Variants in ATG5 observed in about 807,000 individuals in gnomAD.
ATG5 encodes the protein autophagy related 5.
A neutral mutation model predicts 36.5 loss-of-function variants in ATG5; 14 were observed. The observed-to-expected ratio is 0.38, with a 90% CI of 0.25 to 0.60. ATG5 has a LOEUF of 0.60. ATG5 is among the 20% of genes least tolerant of loss of function. The pLI, the probability that ATG5 is intolerant of heterozygous loss-of-function variation, is 0.60. For synonymous variants in ATG5, 95 were observed against 101.5 expected, an observed-to-expected ratio of 0.94 and a Z score of 0.38; for missense variants, 195 against 326.7, an observed-to-expected ratio of 0.60 and a Z score of 3.11.
chr6:106,279,668 C>T lies in ATG5; in HGVS notation c.471G>A (p.Leu157=), dbSNP rs1779799439. ...KKDHKQLWMG[L]QNDRFDQFWA... Reference sequence around the variant, plus strand: ...AAACACTATTATACTTACCATTTTGCAATCCCATCCAGAGTTGCTTGTGAT... The same window carrying T: ...AAACACTATTATACTTACCATTTTGTAATCCCATCCAGAGTTGCTTGTGAT... Residue 157 remains leucine, a synonymous_variant, in exon 5 of 8, where the codon TTG becomes TTA. Transcript: ENST00000369076. The T allele has an allele frequency of 1.3e-6, 2 of 1,588,742 alleles. No homozygotes were observed. The highest frequency in any genetic ancestry group is 1.2e-5 in the South Asian group (1 of 85,604).
At chr6:106,270,891 A>G (rs1354732181) in intron 5 of ATG5, among the ~76,000 whole-genome samples, 3 of 151,816 alleles carry the variant, frequency 2.0e-5, no homozygotes, top group African/African-American at 7.3e-5. Context: ...ATCCAGCCTA[A>G]CAACAGGCTC....
intron 5 of ATG5, among the ~76,000 whole-genome samples, chr6:106,270,812 A>T (rs912768362): frequency 1.3e-5 from 2 of 151,840 alleles, no homozygotes. Flanking sequence ...ATAAAGCACC[A>T]CTCTCCATGC....
chr6:106,225,325 C>T (rs1216712953), intron 6 of ATG5, among the ~76,000 whole-genome samples: 3 of 151,872 alleles, frequency 2.0e-5, no homozygotes, highest in South Asian at 4.2e-4. Context: ...TCAAGGTTAT[C>T]GGAAAACCTA....
At chr6:106,203,097 G>A (rs1776500086) in intron 6 of ATG5, among the ~76,000 whole-genome samples, 2 of 152,134 alleles carry the variant, frequency 1.3e-5, no homozygotes, top group East Asian at 1.9e-4. Context: ...GGTAGAGGGT[G>A]TATGATTTTA....
intron 7 of ATG5, among the ~76,000 whole-genome samples, chr6:106,187,703 CTT>C (rs893700052): frequency 2.6e-5 from 4 of 152,112 alleles, no homozygotes; most frequent in African/African-American, 9.7e-5. Flanking sequence ...TTCAAAATGA[CTT>C]TTGAATCTGT....
intron 6 of ATG5, among the ~76,000 whole-genome samples, chr6:106,218,630 TC>T (rs1233249103): frequency 6.7e-6 from 1 of 148,908 alleles, no homozygotes; most frequent in Non-Finnish European, 1.5e-5. Context: ...TGAAAGCCAC[TC>T]TACCCTGTTT....
At chr6:106,289,655 G>A (rs1306850332) in intron 4 of ATG5, among the ~76,000 whole-genome samples, 2 of 140,638 alleles carry the variant, frequency 1.4e-5, no homozygotes, top group African/African-American at 2.6e-5. Flanking sequence ...CTAGAAATTA[G>A]AGCTGAAACA....
chr6:106,214,147 A>G (rs765218463), intron 6 of ATG5, among the ~76,000 whole-genome samples: 5 of 152,234 alleles, frequency 3.3e-5, no homozygotes, highest in Non-Finnish European at 5.9e-5. Flanking sequence ...ATATTCATGC[A>G]TATCAAATTT....
intron 6 of ATG5, among the ~76,000 whole-genome samples, chr6:106,236,489 A>T (rs1366441945): frequency 6.6e-6 from 1 of 152,156 alleles, no homozygotes; most frequent in African/African-American, 2.4e-5. Flanking sequence ...CCTTTTTACT[A>T]CTTTGTTAAT....
intron 4 of ATG5, among the ~76,000 whole-genome samples, chr6:106,288,107 A>C (rs926852037): frequency 2.0e-5 from 3 of 151,684 alleles, no homozygotes; most frequent in Admixed American, 6.6e-5. Flanking sequence ...AGAAGCTGAG[A>C]TTACAGGCAC....
chr6:106,282,082 G>A lies in ATG5; in HGVS notation c.316-2259C>T, dbSNP rs573245870. ...AAATACTGTTCACAAGAATTGCTAG[G>A]TGAACAGAAAATTTCACCTAGCTAA... On this transcript the variant is annotated intron_variant, in intron 4 of 7. Coordinates refer to ENST00000369076, the MANE Select transcript of ATG5 (RefSeq NM_004849.4). Among the ~76,000 whole-genome samples the A allele has an allele frequency of 9.9e-5, 15 of 152,260 alleles. No individual in the cohort carries two copies. The South Asian group carries it at 3.1e-3, about 32-fold the overall frequency.
Position 106,286,144 on chromosome 6 carries a change from T to C in ATG5, c.316-6321A>G, listed in dbSNP as rs118021103. 8.6e-3 allele frequency among the ~76,000 whole-genome samples: 1,311 copies of C among 152,246 alleles called. 29 individuals carry two copies. The highest frequency in any genetic ancestry group is 0.044 in the Admixed American group (667 of 15,292). On this transcript the variant is annotated intron_variant, in intron 4 of 7. Transcript: ENST00000369076. ...CTCAGCCAAGCACCCAGGGAGAACA[T>C]ACACGTACACTTTGGCTCCTCCTTC...
intron 4 of ATG5, chr6:106,283,461 C>T (rs542956761): frequency 7.2e-5 from 11 of 152,212 alleles, no homozygotes; most frequent in African/African-American, 2.6e-4. Context: ...AGTGGCTACT[C>T]ACAGGTGCAC....
In ATG5 at chr6:106,323,005, T is replaced by C. The variant is rs182850487; in HGVS notation, c.-59+2521A>G. ...CGCAATCTCGGCTCTCTGCAAGCTCTGCCTCCCGGGTTCATGCCATTCTCC... is the reference window on the plus strand; with the variant it reads ...CGCAATCTCGGCTCTCTGCAAGCTCCGCCTCCCGGGTTCATGCCATTCTCC... On this transcript the variant is annotated intron_variant, in intron 1 of 7. Transcript: ENST00000369076. Among the ~76,000 whole-genome samples the C allele has an allele frequency of 2.3e-3, 352 of 151,946 alleles. 1 individual carries two copies. Among genetic ancestry groups the C allele is most frequent in the African/African-American group, 3.6e-3 (148 of 41,458 alleles).
chr6:106,280,737 CATTATT>C (rs1007023356), intron 4 of ATG5, among the ~76,000 whole-genome samples: 2 of 151,898 alleles, frequency 1.3e-5, no homozygotes, highest in African/African-American at 2.4e-5. Flanking sequence ...TTGAGGTAAA[CATTATT>C]ATTATTGCTA....
Position 106,216,800 on chromosome 6 carries a change from C to T in ATG5, c.574-14711G>A, listed in dbSNP as rs1286278241. On this transcript the variant is annotated intron_variant, in intron 6 of 7. Coordinates refer to ENST00000369076, the MANE Select transcript of ATG5 (RefSeq NM_004849.4). ...AGCTGAGGCAAGAGGATCACTTGAG[C>T]CAGGAGTTCCAGGCTGTACTGCACT... is the stretch of plus-strand genomic sequence containing the variant. 2.6e-5 allele frequency among the ~76,000 whole-genome samples: 4 copies of T among 152,052 alleles called. No homozygotes were observed. The East Asian group carries it at 7.7e-4, about 29-fold the overall frequency.
chr6:106,226,146 T>C (rs192635380), intron 6 of ATG5, among the ~76,000 whole-genome samples: 12 of 152,254 alleles, frequency 7.9e-5, no homozygotes, highest in Non-Finnish European at 1.0e-4. Flanking sequence ...CTGGCAAAGA[T>C]TGGAAGATAC....
At position 106,316,264 on chromosome 6, in the gene ATG5, A is replaced by G; in HGVS notation, c.-56T>C. 1.5e-6 allele frequency: 2 copies of G among 1,372,686 alleles called. No homozygotes were observed. Among genetic ancestry groups the G allele is most frequent in the Non-Finnish European group, 2.1e-6 (2 of 970,814 alleles). The allele number at this position is 1,372,686 out of a possible 1,614,324, so 85.0% of individuals were successfully genotyped here. A position where few individuals can be genotyped will look rare whatever the true frequency, so the allele number is the denominator to read the frequency against. The stretch of plus-strand genomic sequence containing the variant: ...CTAAATTCTTATTTCAACCAAAGCC[A>G]AACTGAAAATAAAATGAAGAGCATT... On this transcript the variant is annotated splice_region_variant and 5_prime_UTR_variant, in exon 2 of 8. Coordinates refer to ENST00000369076, the MANE Select transcript of ATG5 (RefSeq NM_004849.4).
chr6:106,316,073 T>A, intron 2 of ATG5, 28 bp downstream of exon 2: 1 of 1,544,324 alleles, frequency 6.5e-7, no homozygotes, highest in South Asian at 1.2e-5. Context: ...AGGTTAAATA[T>A]CCCATTTGCC....
Sources: allele counts gnomAD v4.1 joint callset (sites outside exome capture counted in the v4.1 genomes callset), GRCh38; gene constraint gnomAD v4.1.1; transcripts MANE v1.5; gene names NCBI Gene and HGNC (gene_info 2026-07-23, HGNC 2026-07-21).